Variants in GPC6 observed in about 807,000 individuals in gnomAD.
GPC6 encodes the protein glypican-6.
In GPC6, 14 loss-of-function variants were observed where a neutral mutation model predicts 55.2. That is an observed-to-expected ratio of 0.25 (90% CI 0.17 to 0.40). The LOEUF is 0.40. GPC6 is among the 10% of genes least tolerant of loss of function. The probability of loss-of-function intolerance (pLI) is 1.00; values close to 1 mark genes in which losing one functional copy is unlikely to be tolerated. For synonymous variants in GPC6, 278 were observed against 259.6 expected (o/e 1.07, Z -0.68); for missense variants, 641 against 708.5 (o/e 0.90, Z 1.08).
Position 93,893,305 on chromosome 13 carries a change from T to C in GPC6, c.711+62760T>C, listed in dbSNP as rs578251967. The stretch of plus-strand genomic sequence containing the variant: ...AACTCCTGACCTCAGGTGATCCGCC[T>C]CGGCCTCCCAAGGTGATAGGATTTA... On this transcript the variant is annotated intron_variant, in intron 3 of 8. Transcript: ENST00000377047. Among the ~76,000 whole-genome samples, 4 of 152,214 alleles carry C rather than the reference T, an allele frequency of 2.6e-5. No individual in the cohort carries two copies. The South Asian group carries it at 8.3e-4, about 32-fold the overall frequency.
chr13:93,762,335 T>G (rs1358441498), intron 2 of GPC6, among the ~76,000 whole-genome samples: 1 of 151,886 alleles, frequency 6.6e-6, no homozygotes, highest in East Asian at 1.9e-4. Context: ...GGAAATTTCG[T>G]TGATAGTGTA....
intron 2 of GPC6, among the ~76,000 whole-genome samples, chr13:93,778,698 C>G (rs1175865258): frequency 1.3e-5 from 2 of 152,272 alleles, no homozygotes; most frequent in Non-Finnish European, 2.9e-5. Context: ...ATCCATTTAG[C>G]TAACTCTCCA....
At chr13:93,258,295 T>A (rs12427542) in intron 1 of GPC6, among the ~76,000 whole-genome samples, 27,198 of 152,076 alleles carry the variant, frequency 0.18, 2,695 homozygotes, top group East Asian at 0.27. Context: ...GCAGCAACAG[T>A]GAAGAACTCA....
At chr13:93,292,058 G>A (rs1878336175) in intron 1 of GPC6, among the ~76,000 whole-genome samples, 1 of 152,188 alleles carries the variant, frequency 6.6e-6, no homozygotes, top group Non-Finnish European at 1.5e-5. Context: ...ATTCTAATTT[G>A]TAAATGAGGG....
chr13:94,076,156 A>C (rs59662830), intron 4 of GPC6, among the ~76,000 whole-genome samples: 19,935 of 151,288 alleles, frequency 0.13, 1,734 homozygotes, highest in East Asian at 0.45. Context: ...AATAATGATC[A>C]TCCTAGCAGG....
intron 3 of GPC6, among the ~76,000 whole-genome samples, chr13:93,843,105 A>G (rs1335949341): frequency 4.2e-5 from 6 of 144,016 alleles, no homozygotes; most frequent in Non-Finnish European, 6.0e-5. Context: ...AAGTACTCCT[A>G]TATCTTAAAA....
At position 93,550,999 on chromosome 13, in the gene GPC6, G is replaced by A. The variant is rs563833343; in HGVS notation, c.319+5578G>A. Among the ~76,000 whole-genome samples the A allele has an allele frequency of 2.6e-5, 4 of 152,266 alleles. No individual in the cohort carries two copies. The South Asian group carries it at 8.3e-4, about 32-fold the overall frequency. ...GAATTACTTGTATCCTAAAGTAGAA[G>A]TCCATTGCAAAGAGGAGGGAGGAAA... On this transcript the variant is annotated intron_variant, in intron 2 of 8. Coordinates refer to ENST00000377047, the MANE Select transcript of GPC6 (RefSeq NM_005708.5).
At chr13:93,608,889 A>G (rs967715746) in intron 2 of GPC6, among the ~76,000 whole-genome samples, 3 of 152,192 alleles carry the variant, frequency 2.0e-5, no homozygotes, top group Admixed American at 2.0e-4. Context: ...ATTTTAGCTC[A>G]TCTGAGGCCA....
intron 2 of GPC6, among the ~76,000 whole-genome samples, chr13:93,646,359 G>T (rs987631763): frequency 6.6e-6 from 1 of 152,038 alleles, no homozygotes; most frequent in South Asian, 2.1e-4. Context: ...TATTGGAAAA[G>T]TGAAAACTGT....
intron 4 of GPC6, among the ~76,000 whole-genome samples, chr13:94,245,116 C>G (rs1023494475): frequency 6.6e-6 from 1 of 152,024 alleles, no homozygotes; most frequent in Admixed American, 6.6e-5. Flanking sequence ...GACCTTTTGA[C>G]TTGTTCATCC....
At chr13:93,974,473 C>T (rs1880431270) in intron 3 of GPC6, among the ~76,000 whole-genome samples, 1 of 152,018 alleles carries the variant, frequency 6.6e-6, no homozygotes, top group Non-Finnish European at 1.5e-5. Context: ...TCTATAGTTA[C>T]ACATTCTAAT....
At chr13:93,904,496 A>AT in intron 3 of GPC6, among the ~76,000 whole-genome samples, 1 of 152,266 alleles carries the variant, frequency 6.6e-6, no homozygotes, top group Middle Eastern at 3.4e-3. Context: ...CTTAACTTTT[A>AT]TTTTTAGAGC....
intron 1 of GPC6, among the ~76,000 whole-genome samples, chr13:93,540,569 C>T (rs536416038): frequency 1.3e-5 from 2 of 152,000 alleles, no homozygotes; most frequent in East Asian, 3.9e-4. Context: ...AATAATTATA[C>T]AATTATACAT....
At chr13:93,456,972 A>T (rs1286449893) in intron 1 of GPC6, among the ~76,000 whole-genome samples, 1 of 152,102 alleles carries the variant, frequency 6.6e-6, no homozygotes, top group East Asian at 1.9e-4. Context: ...TCCTGTTCTC[A>T]TGATAGTAAG....
Position 93,937,097 on chromosome 13 carries a change from A to G in GPC6, c.712-90632A>G, listed in dbSNP as rs547709093. Among the ~76,000 whole-genome samples, 8 of 152,336 alleles carry G rather than the reference A, an allele frequency of 5.3e-5. No individual in the cohort carries two copies. In the South Asian group the frequency reaches 1.7e-3, roughly 32 times the overall value. Reference sequence around the variant, plus strand: ...TTGCCTTGGTTAGCCAGAGACTGACACTGAATTGATGTGACAGCTCCACAT... The same window carrying G: ...TTGCCTTGGTTAGCCAGAGACTGACGCTGAATTGATGTGACAGCTCCACAT... On this transcript the variant is annotated intron_variant, in intron 3 of 8. Transcript: ENST00000377047.
chr13:93,449,098 A>G (rs1878116857), intron 1 of GPC6, among the ~76,000 whole-genome samples: 1 of 152,278 alleles, frequency 6.6e-6, no homozygotes, highest in Non-Finnish European at 1.5e-5. Flanking sequence ...GGATAGATAT[A>G]GTATAGGCAC....
At chr13:93,231,397 G>GTATATATATA (rs71123471) in intron 1 of GPC6, among the ~76,000 whole-genome samples, 11 of 45,830 alleles carry the variant, frequency 2.4e-4, no homozygotes, top group East Asian at 7.5e-4. Context: ...ATATATATAT[G>GTATATATATA]TATATATATA....
At chr13:93,696,014 A>C (rs1410202866) in intron 2 of GPC6, among the ~76,000 whole-genome samples, 1 of 152,206 alleles carries the variant, frequency 6.6e-6, no homozygotes, top group Non-Finnish European at 1.5e-5. Context: ...CAGTGTTTGC[A>C]AACATAAAAA....
intron 1 of GPC6, among the ~76,000 whole-genome samples, chr13:93,436,953 AT>A (rs1171982494): frequency 2.7e-5 from 4 of 148,316 alleles, no homozygotes; most frequent in South Asian, 2.2e-4. Flanking sequence ...TGTTGGTGCC[AT>A]TTTTTTTTCT....
Sources: allele counts gnomAD v4.1 joint callset (sites outside exome capture counted in the v4.1 genomes callset), GRCh38; gene constraint gnomAD v4.1.1; transcripts MANE v1.5; gene names NCBI Gene and HGNC (gene_info 2026-07-23, HGNC 2026-07-21).